Variants in SERGEF observed in about 807,000 individuals in gnomAD.
SERGEF encodes secretion regulating guanine nucleotide exchange factor, also known as secretion-regulating guanine nucleotide exchange factor.
In SERGEF, 51 loss-of-function variants were observed where a neutral mutation model predicts 50.0. That is an observed-to-expected ratio of 1.02 (90% CI 0.81 to 1.29). The LOEUF (loss-of-function observed/expected upper bound fraction) is 1.29. Among genes scored for constraint, SERGEF ranks in the 50% most tolerant of loss-of-function variants. SERGEF has a pLI of 0.00. For synonymous variants in SERGEF, 205 were observed against 212.4 expected (o/e 0.97, Z 0.30); for missense variants, 521 against 557.0 (o/e 0.94, Z 0.65).
chr11:17,914,271 C>G (rs1282133369), intron 9 of SERGEF, among the ~76,000 whole-genome samples: 2 of 152,200 alleles, frequency 1.3e-5, no homozygotes, highest in Admixed American at 6.5e-5. Flanking sequence ...GACTATTCTA[C>G]TAGTTCACAT....
chr11:17,856,042 C>A (rs1045883820), intron 10 of SERGEF: 3 of 152,184 alleles, frequency 2.0e-5, no homozygotes, highest in Non-Finnish European at 4.4e-5. Flanking sequence ...GCAGTGTGGG[C>A]ACAGATGTGG....
intron 10 of SERGEF, among the ~76,000 whole-genome samples, chr11:17,841,622 T>C (rs948895568): frequency 6.6e-6 from 1 of 152,204 alleles, no homozygotes; most frequent in Non-Finnish European, 1.5e-5. Flanking sequence ...AAAGATCTCT[T>C]GTAAATGTCA....
At chr11:17,881,840 C>T (rs1021018447) in intron 9 of SERGEF, among the ~76,000 whole-genome samples, 2 of 152,112 alleles carry the variant, frequency 1.3e-5, no homozygotes, top group African/African-American at 4.8e-5. Context: ...ACAAATCTGA[C>T]CATGTCATGC....
At chr11:17,895,058 T>C (rs1019315853) in intron 9 of SERGEF, among the ~76,000 whole-genome samples, 2 of 152,152 alleles carry the variant, frequency 1.3e-5, no homozygotes, top group Non-Finnish European at 2.9e-5. Context: ...CTCTGAGCCA[T>C]TTGTGCACAG....
chr11:17,855,342 T>C (rs1850798656), intron 10 of SERGEF: 1 of 152,078 alleles, frequency 6.6e-6, no homozygotes, highest in Non-Finnish European at 1.5e-5. Flanking sequence ...CCTGGACAGT[T>C]TAAGGAGCCA....
intron 3 of SERGEF, 32 bp from the exon 4 acceptor site, chr11:18,004,567 T>C (rs769544910): frequency 2.8e-5 from 41 of 1,480,522 alleles, no homozygotes; most frequent in Non-Finnish European, 3.6e-5. Flanking sequence ...ATTGCAAATC[T>C]ATGAAGTAAG....
At chr11:17,938,039 C>A (rs1003967059) in intron 9 of SERGEF, among the ~76,000 whole-genome samples, 2 of 152,184 alleles carry the variant, frequency 1.3e-5, no homozygotes, top group Admixed American at 6.5e-5. Context: ...ACCAGCTTGG[C>A]CACTATGCCA....
At chr11:17,963,754 C>A (rs1357654493) in intron 8 of SERGEF, among the ~76,000 whole-genome samples, 1 of 152,182 alleles carries the variant, frequency 6.6e-6, no homozygotes, top group African/African-American at 2.4e-5. Flanking sequence ...AAAGTATGTA[C>A]ATTAAATTAC....
intron 8 of SERGEF, among the ~76,000 whole-genome samples, chr11:17,981,542 GAAGT>G (rs141797495): frequency 0.021 from 3,224 of 152,286 alleles, 103 homozygotes; most frequent in African/African-American, 0.074. Context: ...ACTCTTGTGT[GAAGT>G]AAGGATAATA....
At chr11:18,011,166 A>ACACACC (rs71457886) in intron 1 of SERGEF, among the ~76,000 whole-genome samples, 11 of 150,568 alleles carry the variant, frequency 7.3e-5, no homozygotes, top group South Asian at 4.2e-4. Flanking sequence ...ACACACACAC[A>ACACACC]CCCCTAACAA....
At chr11:17,849,572 T>C (rs1262536593) in intron 10 of SERGEF, among the ~76,000 whole-genome samples, 4 of 150,410 alleles carry the variant, frequency 2.7e-5, no homozygotes, top group Non-Finnish European at 5.9e-5. Flanking sequence ...CTTCTATATC[T>C]ACAGTAGTAG....
chr11:17,910,160 A>G (rs1225081300), intron 9 of SERGEF, among the ~76,000 whole-genome samples: 2 of 148,656 alleles, frequency 1.3e-5, no homozygotes, highest in Non-Finnish European at 3.0e-5. Flanking sequence ...ACTTGGAACC[A>G]TTTGCCACCT....
At chr11:17,842,948 C>T (rs979816398) in intron 10 of SERGEF, among the ~76,000 whole-genome samples, 2 of 152,166 alleles carry the variant, frequency 1.3e-5, no homozygotes, top group Non-Finnish European at 2.9e-5. Flanking sequence ...GATTTTTAGC[C>T]CTGAGAACCA....
At chr11:18,010,160 TAA>T in intron 1 of SERGEF, 1 of 1,086,788 alleles carries the variant, frequency 9.2e-7, no homozygotes, top group Middle Eastern at 2.8e-4. Context: ...AAAGGTGATG[TAA>T]AATAATTACA....
chr11:17,907,004 C>T (rs1346095199), intron 9 of SERGEF, among the ~76,000 whole-genome samples: 1 of 152,038 alleles, frequency 6.6e-6, no homozygotes, highest in Non-Finnish European at 1.5e-5. Context: ...GAGCACTAGG[C>T]TATAAGTCTG....
chr11:17,942,101 T>A (rs2133956791), intron 9 of SERGEF, among the ~76,000 whole-genome samples: 1 of 152,288 alleles, frequency 6.6e-6, no homozygotes, highest in East Asian at 1.9e-4. Context: ...GCCTTTTATG[T>A]TTCCATATAA....
intron 10 of SERGEF, among the ~76,000 whole-genome samples, chr11:17,791,087 T>G (rs917728773): frequency 1.8e-4 from 27 of 152,368 alleles, no homozygotes; most frequent in East Asian, 1.9e-4. Flanking sequence ...TTATGGTGTC[T>G]TTTGTTATAC....
intron 10 of SERGEF, among the ~76,000 whole-genome samples, chr11:17,816,870 C>A (rs1849983815): frequency 6.6e-6 from 1 of 152,176 alleles, no homozygotes; most frequent in Non-Finnish European, 1.5e-5. Context: ...AATGTGGTGA[C>A]AGACAAATGA....
chr11:17,801,194 CAAAA>C (rs145154751), intron 10 of SERGEF, among the ~76,000 whole-genome samples: 1 of 132,022 alleles, frequency 7.6e-6, no homozygotes, highest in African/African-American at 2.9e-5. Flanking sequence ...GACTCCGTCT[CAAAA>C]AAAAAAAAAA....
Sources: allele counts gnomAD v4.1 joint callset (sites outside exome capture counted in the v4.1 genomes callset), GRCh38; gene constraint gnomAD v4.1.1; transcripts MANE v1.5; gene names NCBI Gene and HGNC (gene_info 2026-07-23, HGNC 2026-07-21).